DNM3: variants seen among roughly 807,000 people sequenced by gnomAD.
The protein encoded by DNM3 is dynamin-3.
A neutral mutation model predicts 101.6 loss-of-function variants in DNM3; 47 were observed. That is an observed-to-expected ratio of 0.46 (90% CI 0.37 to 0.59). The LOEUF (loss-of-function observed/expected upper bound fraction) is 0.59, where lower values mean the gene tolerates loss of function less well. Among genes scored for constraint, DNM3 ranks in the 20% least tolerant of loss-of-function variants. The pLI, the probability that DNM3 is intolerant of heterozygous loss-of-function variation, is 0.00. For synonymous variants in DNM3, 385 were observed against 387.9 expected (o/e 0.99, Z 0.09); for missense variants, 849 against 1,085.7 (o/e 0.78, Z 3.06).
intron 2 of DNM3, among the ~76,000 whole-genome samples, chr1:171,932,232 C>G (rs1052149583): frequency 3.3e-5 from 5 of 151,274 alleles, no homozygotes; most frequent in Non-Finnish European, 7.4e-5. Flanking sequence ...ACCTCCAACT[C>G]CTCAGCTAAA....
chr1:172,381,368 G>A (rs535788738), intron 18 of DNM3, among the ~76,000 whole-genome samples: 1 of 151,934 alleles, frequency 6.6e-6, no homozygotes, highest in South Asian at 2.1e-4. Flanking sequence ...TGAAATTGTG[G>A]CTTTGTTTGA....
intron 4 of DNM3, among the ~76,000 whole-genome samples, chr1:172,024,930 C>G (rs937426732): frequency 6.6e-6 from 1 of 152,094 alleles, no homozygotes; most frequent in African/African-American, 2.4e-5. Context: ...CCCAGTGGCA[C>G]CTGGGACACC....
Position 171,841,727 on chromosome 1 carries a change from G to A in DNM3, c.71G>A (p.Gly24Glu). The change falls in exon 1 of 21, where the codon GGA becomes GAA. Residue 24 changes from glycine (G) to glutamate (E), a missense_variant. Around this residue, in one of 5 missense-constraint regions of DNM3, gnomAD observed 388 missense variants for 483.0 expected, o/e 0.80. Coordinates refer to ENST00000627582, the MANE Select transcript of DNM3 (RefSeq NM_015569.5). Reference protein sequence around the residue: ...NRLQDAFSALGQSCLLELPQI... With the variant: ...NRLQDAFSALEQSCLLELPQI... ...CTGCAGGACGCGTTTTCGGCGCTGGGACAGAGCTGCCTGCTGGAGCTGCCG... is the reference window on the plus strand; with the variant it reads ...CTGCAGGACGCGTTTTCGGCGCTGGAACAGAGCTGCCTGCTGGAGCTGCCG... 2 of 1,611,228 alleles carry A rather than the reference G, an allele frequency of 1.2e-6. No individual in the cohort carries two copies. The highest frequency in any genetic ancestry group is 1.9e-4 in the Middle Eastern group (1 of 5,290).
At chr1:172,314,267 C>T (rs540611527) in intron 16 of DNM3, among the ~76,000 whole-genome samples, 2 of 152,250 alleles carry the variant, frequency 1.3e-5, no homozygotes, top group East Asian at 3.9e-4. Flanking sequence ...CCAAGATGGC[C>T]GAATAGGAAC....
chr1:172,055,682 A>G (rs2050547158), intron 10 of DNM3, among the ~76,000 whole-genome samples: 1 of 152,196 alleles, frequency 6.6e-6, no homozygotes, highest in South Asian at 2.1e-4. Context: ...AAAATGAATT[A>G]TGTCTCATTG....
intron 1 of DNM3, among the ~76,000 whole-genome samples, chr1:171,849,676 A>G (rs1176924887): frequency 6.6e-6 from 1 of 152,146 alleles, no homozygotes; most frequent in Non-Finnish European, 1.5e-5. Context: ...TTTTAAACCA[A>G]TATATACAAA....
chr1:172,204,798 G>A (rs137914023), intron 14 of DNM3, among the ~76,000 whole-genome samples: 51 of 152,068 alleles, frequency 3.4e-4, no homozygotes, highest in African/African-American at 1.1e-3. Flanking sequence ...CCATTACAGC[G>A]GCATCCTGAA....
intron 4 of DNM3, among the ~76,000 whole-genome samples, chr1:172,027,749 CA>C (rs1212655337): frequency 2.0e-5 from 3 of 150,758 alleles, no homozygotes; most frequent in Admixed American, 6.6e-5. Context: ...AAATGGAAAG[CA>C]AAAAAAAGCA....
intron 15 of DNM3, among the ~76,000 whole-genome samples, chr1:172,304,891 A>C (rs1000817662): frequency 7.9e-5 from 12 of 152,240 alleles, no homozygotes; most frequent in African/African-American, 2.9e-4. Context: ...CAGTGTGTAG[A>C]GGGAAATTTA....
intron 1 of DNM3, among the ~76,000 whole-genome samples, chr1:171,870,222 T>G (rs2035141564): frequency 6.6e-6 from 1 of 152,190 alleles, no homozygotes; most frequent in Non-Finnish European, 1.5e-5. Flanking sequence ...TTGCCTTTTA[T>G]ATTCCTTACT....
chr1:171,906,041 A>G (rs1172185035), intron 1 of DNM3, among the ~76,000 whole-genome samples: 1 of 151,692 alleles, frequency 6.6e-6, no homozygotes, highest in Non-Finnish European at 1.5e-5. Context: ...TGCTTGTAAT[A>G]TTGTTGCTTT....
chr1:172,026,656 A>C (rs2048226593), intron 4 of DNM3, among the ~76,000 whole-genome samples: 1 of 150,418 alleles, frequency 6.6e-6, no homozygotes, highest in African/African-American at 2.5e-5. Flanking sequence ...AATATTCAAC[A>C]TGCTTTTTTT....
chr1:172,192,822 T>C (rs1487362064), intron 14 of DNM3, among the ~76,000 whole-genome samples: 1 of 151,754 alleles, frequency 6.6e-6, no homozygotes, highest in Admixed American at 6.6e-5. Flanking sequence ...TTGTGAATAA[T>C]GTCGCAATAA....
chr1:172,023,484 T>C lies in DNM3; in HGVS notation c.590-8918T>C, dbSNP rs114032280. Among the ~76,000 whole-genome samples the C allele has an allele frequency of 7.0e-3, 1,059 of 152,300 alleles. 11 individuals are homozygous for C. The highest frequency in any genetic ancestry group is 0.024 in the African/African-American group (987 of 41,582). On this transcript the variant is annotated intron_variant, in intron 4 of 20. Transcript: ENST00000627582. The stretch of plus-strand genomic sequence containing the variant: ...CAGAATTTCAAAAACATTGCTCTAT[T>C]GTTTTTTAGTTTCCAGTTTGCTGCT...
At chr1:172,394,918 T>A (rs1302117726) in intron 20 of DNM3, among the ~76,000 whole-genome samples, 1 of 152,230 alleles carries the variant, frequency 6.6e-6, no homozygotes, top group Non-Finnish European at 1.5e-5. Context: ...TACAGATTTG[T>A]AGATGACACA....
At chr1:172,070,975 C>T (rs1405250087) in intron 11 of DNM3, among the ~76,000 whole-genome samples, 2 of 150,066 alleles carry the variant, frequency 1.3e-5, no homozygotes, top group Admixed American at 1.3e-4. Context: ...CCAGTAGTCC[C>T]AGCTACTCGG....
rs766590490 is a variant in DNM3, at chr1:171,841,612, G to C, written c.-45G>C. On this transcript the variant is annotated 5_prime_UTR_variant, in exon 1 of 21. Coordinates refer to ENST00000627582, the MANE Select transcript of DNM3 (RefSeq NM_015569.5). Reference sequence around the variant, plus strand: ...CGCGGCCCCTACTCCCTGTCAGGTCGTAGAGGCGAGCAGGGACCAGCTGGT... The same window carrying C: ...CGCGGCCCCTACTCCCTGTCAGGTCCTAGAGGCGAGCAGGGACCAGCTGGT... The C allele has an allele frequency of 6.3e-7, 1 of 1,583,106 alleles. No individual in the cohort carries two copies. Among genetic ancestry groups the C allele is most frequent in the Admixed American group, 1.8e-5 (1 of 55,526 alleles).
At chr1:171,872,494 A>G (rs936637667) in intron 1 of DNM3, among the ~76,000 whole-genome samples, 1 of 152,176 alleles carries the variant, frequency 6.6e-6, no homozygotes, top group African/African-American at 2.4e-5. Flanking sequence ...AAAATAATGT[A>G]CGTAGGAATG....
intron 19 of DNM3, among the ~76,000 whole-genome samples, chr1:172,388,124 C>T (rs1257851835): frequency 1.3e-5 from 2 of 151,924 alleles, no homozygotes; most frequent in Non-Finnish European, 2.9e-5. Flanking sequence ...ATCCCAGCTA[C>T]TCGGGAGGCT....
Sources: gnomAD v4.1 joint callset for allele counts (sites outside exome capture counted in the v4.1 genomes callset) on GRCh38, gnomAD v4.1.1 for gene constraint, gnomAD v4.1.1 regional missense constraint, MANE v1.5 for transcripts, NCBI Gene and HGNC (gene_info 2026-07-23, HGNC 2026-07-21) for gene names.